The following COBL variants were observed in gnomAD, a reference collection of about 807,000 sequenced individuals.
The protein encoded by COBL is protein cordon-bleu.
In COBL, 51 loss-of-function variants were observed where a neutral mutation model predicts 98.8. That is an observed-to-expected ratio of 0.52 (90% confidence interval 0.41 to 0.65). The LOEUF is 0.65. Ranked by LOEUF, COBL falls within the 30% of genes least tolerant of loss-of-function variation. COBL has a pLI of 0.00. For synonymous variants in COBL, 634 were observed against 651.7 expected, an observed-to-expected ratio of 0.97 and a Z score of 0.41; for missense variants, 1,617 against 1,617.5, an observed-to-expected ratio of 1.00 and a Z score of 0.01.
chr7:51,018,905 A>AAAAAAAATAT (rs1554345519), intron 12 of COBL, among the ~76,000 whole-genome samples: 1 of 34,446 alleles, frequency 2.9e-5, no homozygotes, highest in African/African-American at 1.3e-4. Flanking sequence ...AAAAAAAAAA[A>AAAAAAAATAT]ATATATATAT....
chr7:51,200,499 G>C (rs1340328558), intron 2 of COBL, among the ~76,000 whole-genome samples: 1 of 152,150 alleles, frequency 6.6e-6, no homozygotes, highest in African/African-American at 2.4e-5. Context: ...CTGTGGGAGG[G>C]GGAAGTAAAC....
At chr7:51,225,428 G>A (rs1296729636) in intron 1 of COBL, among the ~76,000 whole-genome samples, 3 of 152,160 alleles carry the variant, frequency 2.0e-5, no homozygotes, top group Admixed American at 6.5e-5. Flanking sequence ...CCCATCGCAG[G>A]TGCTCCCGGC....
In COBL at chr7:51,278,842, A is replaced by G. The variant is rs543680508; in HGVS notation, c.41+37751T>C. Among the ~76,000 whole-genome samples the G allele has an allele frequency of 9.2e-5, 14 of 152,380 alleles. No homozygotes were observed. In the South Asian group the frequency reaches 2.7e-3, roughly 29 times the overall value. On this transcript the variant is annotated intron_variant, in intron 1 of 12. Coordinates refer to ENST00000265136, the MANE Select transcript of COBL (RefSeq NM_015198.5). Reference sequence around the variant, plus strand: ...AAATTAAAATCCCCCAACGTGTAGCATCTGCTTTTCCAGACGATTTCAGTT... The same window carrying G: ...AAATTAAAATCCCCCAACGTGTAGCGTCTGCTTTTCCAGACGATTTCAGTT...
intron 6 of COBL, among the ~76,000 whole-genome samples, chr7:51,109,153 C>T (rs1394180310): frequency 1.3e-5 from 2 of 152,192 alleles, no homozygotes; most frequent in South Asian, 2.1e-4. Flanking sequence ...TTGCACTATG[C>T]GAGTTTCTGC....
chr7:51,192,051 G>A (rs964048651), intron 3 of COBL, among the ~76,000 whole-genome samples: 4 of 152,158 alleles, frequency 2.6e-5, no homozygotes, highest in Non-Finnish European at 5.9e-5. Flanking sequence ...TGAGAAGCAG[G>A]AAGTCAAGGG....
intron 5 of COBL, among the ~76,000 whole-genome samples, chr7:51,139,974 G>C (rs1051710261): frequency 1.3e-5 from 2 of 152,142 alleles, no homozygotes; most frequent in Admixed American, 6.6e-5. Flanking sequence ...TTGATTTCCT[G>C]TCCAAGCTTG....
rs1308380037 is a variant in COBL at position 51,027,931 on chromosome 7, C to A, written c.3165G>T (p.Gly1055=). The A allele has an allele frequency of 1.2e-6, 2 of 1,613,774 alleles. No homozygotes were observed. Among genetic ancestry groups the A allele is most frequent in the African/African-American group, 2.7e-5 (2 of 75,052 alleles). Residue 1055 remains glycine, a synonymous_variant, in exon 10 of 13, where the codon GGG becomes GGT. Transcript: ENST00000265136. ...GHGEPSHPPG[G]SGTESHILLE... is the part of the protein sequence containing the mutation. ...GGAGAATGTGGCTTTCTGTGCCAGA[C>A]CCTCCTGGAGGGTGGGAAGGCTCGC... is the stretch of plus-strand genomic sequence containing the variant.
intron 1 of COBL, among the ~76,000 whole-genome samples, chr7:51,238,775 G>A (rs1795508671): frequency 6.6e-6 from 1 of 152,052 alleles, no homozygotes; most frequent in South Asian, 2.1e-4. Context: ...GACCCTGACT[G>A]CTGTCTCCTC....
intron 6 of COBL, among the ~76,000 whole-genome samples, chr7:51,133,156 T>C (rs1798909376): frequency 6.6e-6 from 1 of 152,044 alleles, no homozygotes; most frequent in Middle Eastern, 3.2e-3. Flanking sequence ...GAGGACAGTG[T>C]GGGCCCCAGG....
chr7:51,169,665 T>C (rs1374020701), intron 5 of COBL, among the ~76,000 whole-genome samples: 3 of 151,996 alleles, frequency 2.0e-5, no homozygotes, highest in South Asian at 2.1e-4. Context: ...ACTGAACTCA[T>C]TGACAGAGAG....
chr7:51,155,189 C>T (rs1562972246), intron 5 of COBL, among the ~76,000 whole-genome samples: 1 of 151,966 alleles, frequency 6.6e-6, no homozygotes, highest in African/African-American at 2.4e-5. Context: ...ACAGCCAAAC[C>T]AATTACCAAT....
chr7:51,228,156 T>G (rs907111288), intron 1 of COBL, among the ~76,000 whole-genome samples: 6 of 151,932 alleles, frequency 3.9e-5, no homozygotes, highest in Admixed American at 6.6e-5. Flanking sequence ...TCAGGTCAAA[T>G]CCAGCCACGA....
chr7:51,182,378 T>G (rs1000092653), intron 5 of COBL, among the ~76,000 whole-genome samples: 2 of 151,948 alleles, frequency 1.3e-5, no homozygotes, highest in Admixed American at 6.6e-5. Context: ...GCCTCCCGGA[T>G]TCAAGCGATT....
At chr7:51,161,146 C>G (rs1441162501) in intron 5 of COBL, among the ~76,000 whole-genome samples, 4 of 152,144 alleles carry the variant, frequency 2.6e-5, no homozygotes, top group Non-Finnish European at 4.4e-5. Context: ...AAAAACAGAA[C>G]AGATTTGAGC....
chr7:51,277,722 G>A (rs1474469539), intron 1 of COBL, among the ~76,000 whole-genome samples: 2 of 152,134 alleles, frequency 1.3e-5, no homozygotes, highest in African/African-American at 2.4e-5. Context: ...AAATGGAGGT[G>A]GTAACAATGC....
chr7:51,233,228 C>T (rs1794933462), intron 1 of COBL, among the ~76,000 whole-genome samples: 1 of 152,114 alleles, frequency 6.6e-6, no homozygotes, highest in Admixed American at 6.5e-5. Flanking sequence ...GACAGGCTGG[C>T]CAAATCAGTG....
intron 6 of COBL, among the ~76,000 whole-genome samples, chr7:51,127,154 C>A (rs923770226): frequency 6.6e-6 from 1 of 152,156 alleles, no homozygotes; most frequent in Non-Finnish European, 1.5e-5. Flanking sequence ...CACCTCATAT[C>A]CGTCTATCAC....
chr7:51,093,899 GAA>G (rs949012629), intron 6 of COBL, among the ~76,000 whole-genome samples: 2 of 109,676 alleles, frequency 1.8e-5, no homozygotes, highest in Admixed American at 9.1e-5. Flanking sequence ...GACACCAAAA[GAA>G]AAAAAAAAAA....
intron 1 of COBL, among the ~76,000 whole-genome samples, chr7:51,314,213 C>CA (rs1472201105): frequency 6.6e-6 from 1 of 152,156 alleles, no homozygotes; most frequent in Non-Finnish European, 1.5e-5. Context: ...TCACTGCACC[C>CA]AGTCTAGCTT....
Sources: gnomAD v4.1 joint callset for allele counts (sites outside exome capture counted in the v4.1 genomes callset) on GRCh38, gnomAD v4.1.1 for gene constraint, MANE v1.5 for transcripts, NCBI Gene and HGNC (gene_info 2026-07-23, HGNC 2026-07-21) for gene names.